The following APPL1 variants were observed in gnomAD, a reference collection of about 807,000 sequenced individuals.
APPL1 encodes the protein adaptor protein, phosphotyrosine interacting with PH domain and leucine zipper 1.
In APPL1, 42 loss-of-function variants were observed where a neutral mutation model predicts 106.8. The ratio of observed to expected loss-of-function variants is 0.39; its 90% CI spans 0.31 to 0.51. APPL1 has a LOEUF of 0.51. Ranked by LOEUF, APPL1 falls within the 20% of genes least tolerant of loss-of-function variation. APPL1 has a pLI of 0.75. For synonymous variants in APPL1, 263 were observed against 281.8 expected (o/e 0.93, Z 0.67); for missense variants, 769 against 858.2 (o/e 0.90, Z 1.30).
chr3:57,265,687 T>C (rs2060891214), intron 19 of APPL1, among the ~76,000 whole-genome samples: 1 of 151,996 alleles, frequency 6.6e-6, no homozygotes, highest in African/African-American at 2.4e-5. Flanking sequence ...GATCATCATA[T>C]CATCTGCAAA....
chr3:57,238,973 T>G (rs1461165129), intron 4 of APPL1, among the ~76,000 whole-genome samples: 1 of 152,156 alleles, frequency 6.6e-6, no homozygotes, highest in Non-Finnish European at 1.5e-5. Context: ...ATGAGTAATT[T>G]ATAAAGAAAA....
chr3:57,266,176 T>C (rs1026691559), intron 19 of APPL1, among the ~76,000 whole-genome samples: 1 of 152,208 alleles, frequency 6.6e-6, no homozygotes, highest in Non-Finnish European at 1.5e-5. Context: ...TATGTCTTTG[T>C]CTGGTTTTGG....
intron 19 of APPL1, among the ~76,000 whole-genome samples, chr3:57,263,779 T>C (rs1427482660): frequency 1.3e-5 from 2 of 150,154 alleles, no homozygotes; most frequent in Admixed American, 6.6e-5. Context: ...TTTTTTTTTT[T>C]CCATTCATCT....
intron 12 of APPL1, among the ~76,000 whole-genome samples, chr3:57,252,945 GAT>G (rs1333168092): frequency 2.0e-5 from 3 of 152,010 alleles, no homozygotes; most frequent in African/African-American, 7.3e-5. Context: ...GTTGGTAAAA[GAT>G]AAAAGTTGGA....
intron 1 of APPL1, chr3:57,230,585 T>G (rs1463160262): frequency 4.0e-5 from 10 of 252,184 alleles, no homozygotes; most frequent in South Asian, 1.7e-4. Flanking sequence ...GACCACACAT[T>G]TCCTTAACTG....
chr3:57,266,992 A>G lies in APPL1; in HGVS notation c.1843-750A>G, dbSNP rs188975821. On this transcript the variant is annotated intron_variant, in intron 19 of 21. Coordinates refer to ENST00000288266, the MANE Select transcript of APPL1 (RefSeq NM_012096.3). Reference sequence around the variant, plus strand: ...ACAATCCCCTGCTGTTTTGCTTACTATAGCCTTGTAATATATTTTGAAGTT... The same window carrying G: ...ACAATCCCCTGCTGTTTTGCTTACTGTAGCCTTGTAATATATTTTGAAGTT... Among the ~76,000 whole-genome samples, 12 of 151,772 alleles carry G rather than the reference A, an allele frequency of 7.9e-5. No homozygotes were observed. In the East Asian group the frequency reaches 2.4e-3, roughly 30 times the overall value.
At chr3:57,232,382 T>C (rs1158139830) in intron 1 of APPL1, among the ~76,000 whole-genome samples, 1 of 152,236 alleles carries the variant, frequency 6.6e-6, no homozygotes, top group Non-Finnish European at 1.5e-5. Flanking sequence ...AGTAGTAATG[T>C]ATTTCACATT....
intron 7 of APPL1, among the ~76,000 whole-genome samples, chr3:57,244,854 G>T (rs962680786): frequency 2.0e-5 from 3 of 152,152 alleles, no homozygotes; most frequent in African/African-American, 4.8e-5. Context: ...TACAATGAAG[G>T]CCTCAGCTAA....
intron 19 of APPL1, among the ~76,000 whole-genome samples, chr3:57,263,611 A>G (rs1270475316): frequency 6.6e-6 from 1 of 152,138 alleles, no homozygotes; most frequent in Non-Finnish European, 1.5e-5. Flanking sequence ...TTATGGCTGA[A>G]TAGTACTCCA....
In APPL1 at chr3:57,227,799, G is replaced by T. The variant is rs1432560172; in HGVS notation, c.-85G>T. 3.2e-6 allele frequency: 4 copies of T among 1,232,120 alleles called. 1 individual carries two copies. Among genetic ancestry groups the T allele is most frequent in the African/African-American group, 3.2e-5 (2 of 63,294 alleles). The allele number at this position is 1,232,120 out of a possible 1,614,324, so 76.3% of individuals were successfully genotyped here. On this transcript the variant is annotated 5_prime_UTR_variant, in exon 1 of 22. Coordinates refer to ENST00000288266, the MANE Select transcript of APPL1 (RefSeq NM_012096.3). ...CTGCAGCCCTTGCCGGAGAGGGCGG[G>T]CCGGGGTCAGCTGCGGCGGGCGGGC...
At chr3:57,258,932 T>A (rs1375757947) in intron 15 of APPL1, 96 bp from the exon 16 acceptor site, 4 of 936,272 alleles carry the variant, frequency 4.3e-6, no homozygotes, top group East Asian at 5.0e-5. Context: ...AGAGCTTTTT[T>A]TTTTTAAATG....
At chr3:57,267,577 A>G (rs569973302) in intron 19 of APPL1, among the ~76,000 whole-genome samples, 165 bp from the exon 20 acceptor site, 50 of 152,372 alleles carry the variant, frequency 3.3e-4, no homozygotes, top group Non-Finnish European at 3.2e-4. Flanking sequence ...CAAGGAAAAC[A>G]TACAAAGCCT....
At position 57,261,086 on chromosome 3, in the gene APPL1, G is replaced by A. The variant is rs62251993; in HGVS notation, c.1842+312G>A. ...AATTTATGGTTGTACCCTTTAATCA[G>A]CTTTTCTTCATCCTCCCCCTTTCCT... On this transcript the variant is annotated intron_variant, in intron 19 of 21. Coordinates refer to ENST00000288266, the MANE Select transcript of APPL1 (RefSeq NM_012096.3). Among the ~76,000 whole-genome samples, 26,107 of 151,860 alleles carry A rather than the reference G, an allele frequency of 0.17. 2,491 individuals are homozygous for A. Among genetic ancestry groups the A allele is most frequent in the African/African-American group, 0.21 (8,697 of 41,312 alleles).
chr3:57,238,108 A>G lies in APPL1; in HGVS notation c.277A>G (p.Ile93Val), dbSNP rs1278816608. 6.2e-7 allele frequency: 1 copy of G among 1,609,254 alleles called. No homozygotes were observed. The highest frequency in any genetic ancestry group is 1.3e-5 in the African/African-American group (1 of 74,886). The change falls in exon 4 of 22, where the codon ATA (isoleucine) becomes GTA (valine). Residue 93 changes from isoleucine to valine, a missense_variant. Transcript: ENST00000288266. ...TACATTGCAACAGTTTTCAAAAGTT[A>G]TAGATGAGGTAAACGTTTATTTTAT... Reference protein sequence around the residue: ...SSTLQQFSKVIDELSSCHAVL... With the variant: ...SSTLQQFSKVVDELSSCHAVL...
rs747613823 is a variant in APPL1, at chr3:57,256,991, A to T, written c.1187A>T (p.Glu396Val). Residue 396 changes from glutamate to valine, a missense_variant, in exon 14 of 22, where the codon GAA becomes GTA. Transcript: ENST00000288266. ...TAARVNQSAL[E>V]AVTPSPSFQQ... is the part of the protein sequence containing the mutation. ...GCACGAGTAAATCAATCAGCTCTGG[A>T]AGCTGTCACTCCTTCCCCATCTTTC... The T allele has an allele frequency of 9.9e-6, 16 of 1,614,044 alleles. No homozygotes were observed. The highest frequency in any genetic ancestry group is 1.4e-5 in the Non-Finnish European group (16 of 1,180,036).
chr3:57,246,271 T>G, intron 8 of APPL1, 49 bp downstream of exon 8: 2 of 1,347,838 alleles, frequency 1.5e-6, no homozygotes, highest in Non-Finnish European at 2.0e-6. Flanking sequence ...AAGTTTTATA[T>G]TAAGCTTGAT....
chr3:57,237,667 T>C (rs2060723607), intron 3 of APPL1, 116 bp downstream of exon 3: 1 of 666,702 alleles, frequency 1.5e-6, no homozygotes, highest in Admixed American at 3.4e-5. Context: ...CATTGAAATT[T>C]CATGATAGCA....
At chr3:57,229,913 C>T (rs2060677688) in intron 1 of APPL1, among the ~76,000 whole-genome samples, 1 of 151,978 alleles carries the variant, frequency 6.6e-6, no homozygotes, top group East Asian at 1.9e-4. Context: ...GGGGTTTTGC[C>T]ATGTTGGCCA....
At chr3:57,230,263 A>C (rs947945580) in intron 1 of APPL1, among the ~76,000 whole-genome samples, 10 of 152,120 alleles carry the variant, frequency 6.6e-5, no homozygotes, top group African/African-American at 2.4e-4. Context: ...AAATCATTCA[A>C]CTTCTCTGAA....
Sources: gnomAD v4.1 joint callset for allele counts (sites outside exome capture counted in the v4.1 genomes callset) on GRCh38, gnomAD v4.1.1 for gene constraint, MANE v1.5 for transcripts, NCBI Gene and HGNC (gene_info 2026-07-23, HGNC 2026-07-21) for gene names.